The following B3GAT2 variants were observed in gnomAD, a reference collection of about 807,000 sequenced individuals.
B3GAT2 encodes the protein galactosylgalactosylxylosylprotein 3-beta-glucuronosyltransferase 2.
A neutral mutation model predicts 27.8 loss-of-function variants in B3GAT2; 26 were observed. The observed-to-expected ratio is 0.93, with a 90% CI of 0.68 to 1.30. The LOEUF is 1.30. Ranked by LOEUF, B3GAT2 falls within the 50% of genes most tolerant of loss-of-function variation. B3GAT2 has a pLI of 0.00. For synonymous variants in B3GAT2, 218 were observed against 195.1 expected (o/e 1.12, Z -0.98); for missense variants, 458 against 459.0 (o/e 1.00, Z 0.02).
chr6:70,909,508 T>C (rs1772655490), intron 1 of B3GAT2, among the ~76,000 whole-genome samples: 1 of 152,214 alleles, frequency 6.6e-6, no homozygotes, highest in Non-Finnish European at 1.5e-5. Flanking sequence ...TTTAACAGCT[T>C]TGTAACTCTG....
Position 70,857,393 on chromosome 6 carries a change from T to TA in B3GAT2, c.*4269dup, listed in dbSNP as rs893521436. The TA allele has an allele frequency of 1.4e-4, 25 of 172,592 alleles. No homozygotes were observed. The highest frequency in any genetic ancestry group is 4.0e-4 in the African/African-American group (17 of 42,080). 10.7% of individuals were successfully genotyped at this position (172,592 alleles called of 1,614,324 possible). A position where few individuals can be genotyped will look rare whatever the true frequency, so the allele number is the denominator to read the frequency against. ...AACAGTCTTGAGTTACCACATGGAT[T>TA]AAAAAAAATCTATGAATTTTTTTGT... On this transcript the variant is annotated 3_prime_UTR_variant, in exon 4 of 4. Coordinates refer to ENST00000230053, the MANE Select transcript of B3GAT2 (RefSeq NM_080742.3).
chr6:70,867,287 C>T (rs866757950), intron 2 of B3GAT2, among the ~76,000 whole-genome samples: 3 of 151,398 alleles, frequency 2.0e-5, no homozygotes, highest in Non-Finnish European at 4.4e-5. Flanking sequence ...CAAATGAAGC[C>T]CAAAGTAAAT....
At chr6:70,875,348 G>A (rs79115666) in intron 2 of B3GAT2, among the ~76,000 whole-genome samples, 3,512 of 152,232 alleles carry the variant, frequency 0.023, 74 homozygotes, top group South Asian at 0.11. Flanking sequence ...AAATGTGTTA[G>A]TAAAATTGAT....
chr6:70,888,207 T>C (rs566653131), intron 2 of B3GAT2, among the ~76,000 whole-genome samples: 114 of 150,228 alleles, frequency 7.6e-4, no homozygotes, highest in African/African-American at 2.8e-3. Context: ...GCTTGAAAAC[T>C]TCAGTCAGGT....
At chr6:70,899,115 A>G (rs1018038995) in intron 1 of B3GAT2, among the ~76,000 whole-genome samples, 3 of 152,210 alleles carry the variant, frequency 2.0e-5, no homozygotes, top group Non-Finnish European at 4.4e-5. Context: ...CAGGTAATAA[A>G]TGAACAGAAG....
chr6:70,868,557 C>T (rs765272697), intron 2 of B3GAT2, among the ~76,000 whole-genome samples: 3 of 152,148 alleles, frequency 2.0e-5, no homozygotes, highest in South Asian at 2.1e-4. Flanking sequence ...AGTTTCTAAA[C>T]GATGACTTTT....
chr6:70,902,637 T>TATATATATACAC (rs1491331231), intron 1 of B3GAT2, among the ~76,000 whole-genome samples: 1 of 133,424 alleles, frequency 7.5e-6, no homozygotes. Flanking sequence ...TATATATATA[T>TATATATATACAC]ACACACACAC....
chr6:70,919,690 C>T (rs1470145594), intron 1 of B3GAT2, among the ~76,000 whole-genome samples: 1 of 152,166 alleles, frequency 6.6e-6, no homozygotes, highest in Non-Finnish European at 1.5e-5. Context: ...GCTGGAGTTC[C>T]ACTCCAGACC....
chr6:70,871,208 GTTTTTT>G (rs1189234314), intron 2 of B3GAT2, among the ~76,000 whole-genome samples: 1 of 81,180 alleles, frequency 1.2e-5, no homozygotes, highest in Non-Finnish European at 2.6e-5. Flanking sequence ...AGGTCTGTCT[GTTTTTT>G]TTTTTTTGTT....
At chr6:70,902,637 T>TATACAC (rs1491331231) in intron 1 of B3GAT2, among the ~76,000 whole-genome samples, 1 of 133,474 alleles carries the variant, frequency 7.5e-6, no homozygotes, top group South Asian at 2.6e-4. Context: ...TATATATATA[T>TATACAC]ACACACACAC....
intron 1 of B3GAT2, among the ~76,000 whole-genome samples, chr6:70,904,760 G>T (rs1772569330): frequency 1.3e-5 from 2 of 152,104 alleles, no homozygotes; most frequent in Admixed American, 1.3e-4. Context: ...AATTACAGGG[G>T]GTGTGTGTAG....
chr6:70,857,698 T>G lies in B3GAT2; in HGVS notation c.*3965A>C, dbSNP rs1771489514. The G allele has an allele frequency of 3.7e-6, 2 of 546,896 alleles. No homozygotes were observed. Among genetic ancestry groups the G allele is most frequent in the South Asian group, 4.6e-5 (2 of 43,838 alleles). 33.9% of individuals were successfully genotyped at this position (546,896 alleles called of 1,614,324 possible). A position where few individuals can be genotyped will look rare whatever the true frequency, so the allele number is the denominator to read the frequency against. ...TGTGGCTGTTGCATATGATTTACAT[T>G]TCTTAATTAAATTTACTCAGGTTAA... On this transcript the variant is annotated 3_prime_UTR_variant, in exon 4 of 4. Coordinates refer to ENST00000230053, the MANE Select transcript of B3GAT2 (RefSeq NM_080742.3).
At chr6:70,924,245 G>T (rs1052800429) in intron 1 of B3GAT2, among the ~76,000 whole-genome samples, 4 of 151,980 alleles carry the variant, frequency 2.6e-5, no homozygotes, top group African/African-American at 4.8e-5. Flanking sequence ...ATGAAACACT[G>T]GTGAAAGAAA....
At position 70,860,100 on chromosome 6, in the gene B3GAT2, G is replaced by A; in HGVS notation, c.*1563C>T. 7.3e-7 allele frequency: 1 copy of A among 1,362,308 alleles called. No individual in the cohort carries two copies. The highest frequency in any genetic ancestry group is 2.5e-5 in the Admixed American group (1 of 39,578). 84.4% of individuals were successfully genotyped at this position (1,362,308 alleles called of 1,614,324 possible). A position where few individuals can be genotyped will look rare whatever the true frequency, so the allele number is the denominator to read the frequency against. On this transcript the variant is annotated 3_prime_UTR_variant, in exon 4 of 4. Coordinates refer to ENST00000230053, the MANE Select transcript of B3GAT2 (RefSeq NM_080742.3). ...TGTTTTTATTCCAGTGCTTGGACTA[G>A]TTGTCACATTAATGAAAAAATGACC...
At chr6:70,945,959 A>T (rs1268319618) in intron 1 of B3GAT2, among the ~76,000 whole-genome samples, 1 of 151,990 alleles carries the variant, frequency 6.6e-6, no homozygotes, top group Non-Finnish European at 1.5e-5. Flanking sequence ...AGAATCTCAT[A>T]TCCAGCCAAA....
intron 1 of B3GAT2, among the ~76,000 whole-genome samples, chr6:70,923,068 A>G (rs532704087): frequency 6.6e-6 from 1 of 152,338 alleles, no homozygotes; most frequent in Admixed American, 6.5e-5. Context: ...GTTCTGCTAC[A>G]TAAATAAGTA....
At chr6:70,919,208 G>A (rs1772826763) in intron 1 of B3GAT2, among the ~76,000 whole-genome samples, 1 of 152,088 alleles carries the variant, frequency 6.6e-6, no homozygotes, top group Admixed American at 6.6e-5. Context: ...GCTTGTGTAT[G>A]TTTCATAAAG....
rs575008239 is a variant in B3GAT2, at chr6:70,861,991, T to TAA, written c.737-15_737-14dup. ...CTTACAGCAAATCCTTTGTGAAAAA[T>TAA]AAAAAAAAAAAAGAGACTTTAAAAT... On this transcript the variant is annotated splice_polypyrimidine_tract_variant and intron_variant, in intron 2 of 3. Transcript: ENST00000230053. 6.7e-5 allele frequency: 82 copies of TAA among 1,219,762 alleles called. No individual in the cohort carries two copies. Among genetic ancestry groups the TAA allele is most frequent in the Middle Eastern group, 4.7e-4 (2 of 4,250 alleles). The allele number at this position is 1,219,762 out of a possible 1,614,324, so 75.6% of individuals were successfully genotyped here.
chr6:70,922,362 A>C (rs1042991545), intron 1 of B3GAT2, among the ~76,000 whole-genome samples: 2 of 152,252 alleles, frequency 1.3e-5, no homozygotes, highest in Non-Finnish European at 2.9e-5. Flanking sequence ...ATTGACAAAT[A>C]TAGAACACTG....
Sources: allele counts gnomAD v4.1 joint callset (sites outside exome capture counted in the v4.1 genomes callset), GRCh38; gene constraint gnomAD v4.1.1; transcripts MANE v1.5; gene names NCBI Gene and HGNC (gene_info 2026-07-23, HGNC 2026-07-21).